The following PDE4D variants were observed in gnomAD, a reference collection of about 807,000 sequenced individuals.
PDE4D encodes 3',5'-cyclic-AMP phosphodiesterase 4D.
In PDE4D, 24 loss-of-function variants were observed where a neutral mutation model predicts 87.4. That is an observed-to-expected ratio of 0.27 (90% confidence interval 0.20 to 0.39). The LOEUF is 0.39. PDE4D is among the 10% of genes least tolerant of loss of function. The pLI, the probability that PDE4D is intolerant of heterozygous loss-of-function variation, is 1.00. For missense variants in PDE4D, 714 were observed against 1,041.0 expected, an observed-to-expected ratio of 0.69 and a Z score of 4.32; for synonymous variants, 384 against 383.2, an observed-to-expected ratio of 1.00 and a Z score of -0.02.
intron 5 of PDE4D, among the ~76,000 whole-genome samples, chr5:59,139,727 A>C (rs1777626290): frequency 6.6e-6 from 1 of 151,826 alleles, no homozygotes. Context: ...CAATCTGCCC[A>C]TCTCAGCCTC....
At chr5:60,372,053 A>G (rs1256090719) in intron 1 of PDE4D, among the ~76,000 whole-genome samples, 1 of 151,876 alleles carries the variant, frequency 6.6e-6, no homozygotes, top group Non-Finnish European at 1.5e-5. Flanking sequence ...TGGTTTTCAT[A>G]GATACTGAAT....
Position 59,171,251 on chromosome 5 carries a change from A to G in PDE4D, c.808+9344T>C, listed in dbSNP as rs1030092165. The stretch of plus-strand genomic sequence containing the variant: ...TCAACCCCCAAGTCCCTTCAATCCT[A>G]TCTCTGAAGAGTTGTGAACCCATTC... On this transcript the variant is annotated intron_variant, in intron 5 of 14. Coordinates refer to ENST00000340635, the MANE Select transcript of PDE4D (RefSeq NM_001104631.2). 2.6e-5 allele frequency among the ~76,000 whole-genome samples: 4 copies of G among 152,104 alleles called. No homozygotes were observed. The South Asian group carries it at 8.3e-4, about 32-fold the overall frequency.
intron 1 of PDE4D, among the ~76,000 whole-genome samples, chr5:59,890,341 T>A (rs1237622459): frequency 6.6e-6 from 1 of 152,012 alleles, no homozygotes; most frequent in Non-Finnish European, 1.5e-5. Flanking sequence ...AGACGTTAGA[T>A]GTTCTCACTA....
intron 1 of PDE4D, among the ~76,000 whole-genome samples, chr5:59,716,785 C>G (rs1314425172): frequency 6.6e-6 from 1 of 152,132 alleles, no homozygotes; most frequent in African/African-American, 2.4e-5. Context: ...CTTTTGGGTA[C>G]TGAAAAGTTT....
chr5:60,063,488 G>T (rs970672001), intron 2 of PDE4D, among the ~76,000 whole-genome samples: 1 of 152,064 alleles, frequency 6.6e-6, no homozygotes, highest in Non-Finnish European at 1.5e-5. Context: ...CTTGCTTCTA[G>T]CCTCAGAGGG....
At chr5:59,281,105 T>C (rs1218011127) in intron 1 of PDE4D, among the ~76,000 whole-genome samples, 1 of 152,164 alleles carries the variant, frequency 6.6e-6, no homozygotes, top group East Asian at 1.9e-4. Context: ...TGAGGGCTTA[T>C]GGAGAAGTGT....
chr5:59,605,987 C>T (rs1293784300), intron 1 of PDE4D, among the ~76,000 whole-genome samples: 1 of 151,794 alleles, frequency 6.6e-6, no homozygotes, highest in Admixed American at 6.6e-5. Context: ...AAAATAGTAC[C>T]TTCTTTTTCA....
At chr5:60,404,793 G>A (rs973252031) in intron 1 of PDE4D, among the ~76,000 whole-genome samples, 3 of 152,258 alleles carry the variant, frequency 2.0e-5, no homozygotes, top group East Asian at 1.9e-4. Flanking sequence ...AGCAGATTCC[G>A]CCAAGAGGGA....
rs1246509578 is a variant in PDE4D at position 59,651,062 on chromosome 5, TGGCC to T, written c.455+242102_455+242105del. Among the ~76,000 whole-genome samples the T allele has an allele frequency of 2.0e-5, 3 of 152,078 alleles. No individual in the cohort carries two copies. The East Asian group carries it at 5.8e-4, about 29-fold the overall frequency. On this transcript the variant is annotated intron_variant, in intron 1 of 14. Coordinates refer to ENST00000340635, the MANE Select transcript of PDE4D (RefSeq NM_001104631.2). ...CGAGGTCAGGAGATCGAGACCATCC[TGGCC>T]AACATAGTGAAACCCCATCTCTACT...
intron 1 of PDE4D, among the ~76,000 whole-genome samples, chr5:60,330,119 T>C (rs185714761): frequency 2.0e-4 from 30 of 152,282 alleles, no homozygotes; most frequent in Admixed American, 1.1e-3. Flanking sequence ...AATTACAGTA[T>C]AGAGGAAAAT....
chr5:59,266,563 G>A (rs1762893450), intron 1 of PDE4D, among the ~76,000 whole-genome samples: 2 of 151,880 alleles, frequency 1.3e-5, no homozygotes, highest in East Asian at 1.9e-4. Flanking sequence ...AACGAGTCAG[G>A]AACTAGCTAG....
At chr5:60,252,531 G>A (rs1372152603) in intron 1 of PDE4D, among the ~76,000 whole-genome samples, 2 of 151,380 alleles carry the variant, frequency 1.3e-5, no homozygotes, top group African/African-American at 4.8e-5. Context: ...GATAAACTAG[G>A]GTCAGTAGGT....
At chr5:59,279,245 GA>G (rs1765374499) in intron 1 of PDE4D, among the ~76,000 whole-genome samples, 1 of 151,782 alleles carries the variant, frequency 6.6e-6, no homozygotes, top group Non-Finnish European at 1.5e-5. Flanking sequence ...TAACTTTTTA[GA>G]AAAAAAGACC....
At chr5:59,519,791 G>A (rs1811867163) in intron 1 of PDE4D, among the ~76,000 whole-genome samples, 1 of 152,200 alleles carries the variant, frequency 6.6e-6, no homozygotes, top group Non-Finnish European at 1.5e-5. Flanking sequence ...CGGAAAACTG[G>A]TTAGGAGGGT....
intron 1 of PDE4D, among the ~76,000 whole-genome samples, chr5:60,493,596 T>C (rs1010199849): frequency 3.2e-4 from 36 of 110,976 alleles, no homozygotes; most frequent in Non-Finnish European, 1.9e-4. Flanking sequence ...ATTCATTCAT[T>C]CATTCATTCA....
At chr5:59,932,544 C>T (rs915906349) in intron 3 of PDE4D, among the ~76,000 whole-genome samples, 2 of 152,168 alleles carry the variant, frequency 1.3e-5, no homozygotes, top group African/African-American at 4.8e-5. Flanking sequence ...AGTAACCTGC[C>T]TAAGGTCCAA....
chr5:59,976,403 T>C (rs1213420033), intron 3 of PDE4D, among the ~76,000 whole-genome samples: 1 of 152,130 alleles, frequency 6.6e-6, no homozygotes. Context: ...CTTGGTGCCC[T>C]CCCTGTGGTC....
chr5:59,299,209 A>C (rs1166680959), intron 1 of PDE4D, among the ~76,000 whole-genome samples: 1 of 152,154 alleles, frequency 6.6e-6, no homozygotes, highest in African/African-American at 2.4e-5. Context: ...GCCTGAGCAT[A>C]AATAACCTGG....
chr5:59,760,633 G>T (rs1247317329), intron 1 of PDE4D, among the ~76,000 whole-genome samples: 4 of 152,052 alleles, frequency 2.6e-5, no homozygotes, highest in Non-Finnish European at 5.9e-5. Context: ...TTAGAAAACT[G>T]TATTTGGTTT....
Sources: allele counts gnomAD v4.1 joint callset (sites outside exome capture counted in the v4.1 genomes callset), GRCh38; gene constraint gnomAD v4.1.1; transcripts MANE v1.5; gene names NCBI Gene and HGNC (gene_info 2026-07-23, HGNC 2026-07-21).